Variants in GGA2 observed in about 807,000 individuals in gnomAD.
GGA2 encodes the protein ADP-ribosylation factor-binding protein GGA2.
Under a neutral mutation model 79.5 loss-of-function variants are expected in GGA2, and 48 were observed. The observed-to-expected ratio is 0.60, with a 90% CI of 0.48 to 0.77. GGA2 has a LOEUF of 0.77. Among genes scored for constraint, GGA2 ranks in the 30% least tolerant of loss-of-function variants. The pLI is 0.00. For missense variants in GGA2, 770 were observed against 774.0 expected, an observed-to-expected ratio of 0.99 and a Z score of 0.06; for synonymous variants, 317 against 302.0, an observed-to-expected ratio of 1.05 and a Z score of -0.51.
intron 7 of GGA2, 110 bp downstream of exon 7, chr16:23,486,600 T>G: frequency 1.3e-6 from 1 of 773,424 alleles, no homozygotes; most frequent in East Asian, 2.4e-5. Context: ...TAGGAGCCAC[T>G]CTTTCTCCCA....
rs547107680 is a variant in GGA2, at chr16:23,475,032, T to C, written c.1322A>G (p.Lys441Arg). 1.1e-5 allele frequency: 17 copies of C among 1,589,970 alleles called. No individual in the cohort carries two copies. The highest frequency in any genetic ancestry group is 1.7e-4 in the Middle Eastern group (1 of 5,950). Residue 441 changes from lysine (K) to arginine (R), a missense_variant, in exon 14 of 17, where the codon AAG (lysine) becomes AGG (arginine). Coordinates refer to ENST00000309859, the MANE Select transcript of GGA2 (RefSeq NM_015044.4). ...LNYVSQKSVP[K>R]EVPPGTKSSP... The stretch of plus-strand genomic sequence containing the variant: ...GGACTTAGTACCTGGTGGCACTTCC[T>C]TGGGGACACTTTTCTGCGAAACATA...
rs753464862 is a variant in GGA2 at position 23,494,396 on chromosome 16, G to A, written c.177-18C>T. 2 of 1,561,376 alleles carry A rather than the reference G, an allele frequency of 1.3e-6. No individual in the cohort carries two copies. Among genetic ancestry groups the A allele is most frequent in the South Asian group, 2.2e-5 (2 of 90,036 alleles). The stretch of plus-strand genomic sequence containing the variant: ...GTGTGGGGCTACAGGGAAACAAAAA[G>A]ACCTAGACTCTGGGCGGGCAAAAAG... On this transcript the variant is annotated intron_variant, in intron 2 of 16. Transcript: ENST00000309859.
At chr16:23,480,128 A>AT in intron 10 of GGA2, 1 of 491,744 alleles carries the variant, frequency 2.0e-6, no homozygotes, top group Non-Finnish European at 3.7e-6. Context: ...CAAAGATCCC[A>AT]TCACTCTGGA....
rs757790380 is a variant in GGA2, at chr16:23,482,142, T to C, written c.880+781A>G. 2.2e-4 allele frequency among the ~76,000 whole-genome samples: 33 copies of C among 152,282 alleles called. 1 individual carries two copies. The highest frequency in any genetic ancestry group is 2.2e-4 in the African/African-American group (9 of 41,552). On this transcript the variant is annotated intron_variant, in intron 9 of 16. Transcript: ENST00000309859. ...AGCCAGGCGTGATGGTGGGTGCCTA[T>C]AATCCCAGCTACTTGGGAGGCTGAG...
chr16:23,478,344 A>T, intron 13 of GGA2, 24 bp downstream of exon 13: 1 of 1,546,782 alleles, frequency 6.5e-7, no homozygotes, highest in Non-Finnish European at 8.7e-7. Context: ...ACACTCTCCC[A>T]CTCCCCTTGC....
chr16:23,465,566 T>A lies in GGA2; in HGVS notation c.*2024A>T, dbSNP rs1275563475. On this transcript the variant is annotated 3_prime_UTR_variant, in exon 17 of 17. Coordinates refer to ENST00000309859, the MANE Select transcript of GGA2 (RefSeq NM_015044.4). Reference sequence around the variant, plus strand: ...ATGTATAAGTCTCATTCACCCATTTTGACCAAAACCCTTCAGAGGGAGATG... The same window carrying A: ...ATGTATAAGTCTCATTCACCCATTTAGACCAAAACCCTTCAGAGGGAGATG... 9.7e-6 allele frequency: 6 copies of A among 617,694 alleles called. No homozygotes were observed. The Admixed American group carries it at 1.6e-4, about 17-fold the overall frequency. The allele number at this position is 617,694 out of a possible 1,614,324, so 38.3% of individuals were successfully genotyped here.
intron 8 of GGA2, among the ~76,000 whole-genome samples, chr16:23,484,487 G>C (rs1964688380): frequency 6.6e-6 from 1 of 152,144 alleles, no homozygotes; most frequent in Non-Finnish European, 1.5e-5. Context: ...CAGCCCAAAG[G>C]AAGGGAGAAA....
rs1358804873 is a variant in GGA2 at position 23,463,787 on chromosome 16, A to C, written c.*3803T>G. 2.0e-5 allele frequency: 3 copies of C among 152,210 alleles called. No homozygotes were observed. Among genetic ancestry groups the C allele is most frequent in the Admixed American group, 1.3e-4 (2 of 15,262 alleles). 9.4% of individuals were successfully genotyped at this position (152,210 alleles called of 1,614,324 possible). On this transcript the variant is annotated 3_prime_UTR_variant, in exon 17 of 17. Coordinates refer to ENST00000309859, the MANE Select transcript of GGA2 (RefSeq NM_015044.4). ...CCCAGGAGACCAGCCTGGGTAACAC[A>C]GAGATCCAGTCTTTACGAAAAACTG...
At chr16:23,484,762 G>T (rs565245922) in intron 8 of GGA2, among the ~76,000 whole-genome samples, 1 of 152,190 alleles carries the variant, frequency 6.6e-6, no homozygotes, top group Non-Finnish European at 1.5e-5. Context: ...CATTGCTGCT[G>T]GGAATGTAAA....
chr16:23,508,093 C>T (rs946320739), intron 1 of GGA2, among the ~76,000 whole-genome samples: 1 of 149,054 alleles, frequency 6.7e-6, no homozygotes, highest in Non-Finnish European at 1.5e-5. Flanking sequence ...GACAGAATCT[C>T]GCCTTGTCAC....
At chr16:23,489,580 G>A (rs555578959) in intron 5 of GGA2, among the ~76,000 whole-genome samples, 1 of 152,208 alleles carries the variant, frequency 6.6e-6, no homozygotes, top group South Asian at 2.1e-4. Flanking sequence ...AGATCACAGG[G>A]CAACAACCAA....
chr16:23,477,258 C>G (rs1365703214), intron 13 of GGA2, among the ~76,000 whole-genome samples: 1 of 152,142 alleles, frequency 6.6e-6, no homozygotes, highest in East Asian at 1.9e-4. Flanking sequence ...GTGTCCCCAC[C>G]CAAATCTCAT....
At chr16:23,478,239 A>AT in intron 13 of GGA2, 129 bp downstream of exon 13, 2 of 632,350 alleles carry the variant, frequency 3.2e-6, no homozygotes, top group Non-Finnish European at 5.0e-6. Flanking sequence ...AAAAAAAAAA[A>AT]GAAAGAAAGA....
upstream of GGA2, among the ~76,000 whole-genome samples, chr16:23,511,038 T>TGTGTGTGTGTGTGTGC (rs1289850381): frequency 7.3e-5 from 11 of 150,954 alleles, 1 homozygote; most frequent in African/African-American, 2.7e-4. Context: ...TGTGTGTGTG[T>TGTGTGTGTGTGTGTGC]GTGTGTGTGT....
chr16:23,483,008 A>C lies in GGA2; in HGVS notation c.799-4T>G. The C allele has an allele frequency of 6.2e-7, 1 of 1,604,860 alleles. No individual in the cohort carries two copies. The highest frequency in any genetic ancestry group is 1.1e-5 in the South Asian group (1 of 90,846). On this transcript the variant is annotated splice_polypyrimidine_tract_variant and splice_region_variant and intron_variant, in intron 8 of 16. Coordinates refer to ENST00000309859, the MANE Select transcript of GGA2 (RefSeq NM_015044.4). Reference sequence around the variant, plus strand: ...TTTCACACCTCTCATACACGACCTGAAAGAGCAGAGCTTGGTTCATGACAC... The same window carrying C: ...TTTCACACCTCTCATACACGACCTGCAAGAGCAGAGCTTGGTTCATGACAC...
chr16:23,503,994 T>C (rs1964947543), intron 1 of GGA2, among the ~76,000 whole-genome samples: 2 of 151,948 alleles, frequency 1.3e-5, no homozygotes, highest in Non-Finnish European at 1.5e-5. Context: ...AGCAGGAGAA[T>C]TGCTTGAACC....
At chr16:23,509,080 T>C (rs1393278806) in intron 1 of GGA2, among the ~76,000 whole-genome samples, 1 of 152,086 alleles carries the variant, frequency 6.6e-6, no homozygotes, top group African/African-American at 2.4e-5. Context: ...TCTCACCCTC[T>C]CCGCCCAATT....
chr16:23,473,236 T>C (rs1320198367), intron 14 of GGA2, among the ~76,000 whole-genome samples: 1 of 151,278 alleles, frequency 6.6e-6, no homozygotes, highest in East Asian at 1.9e-4. Flanking sequence ...TATGTACATA[T>C]ATATGTATAT....
chr16:23,521,976 T>A (rs376840127), exon 1 of GGA2: 1 of 365,444 alleles, frequency 2.7e-6, no homozygotes, highest in Admixed American at 3.6e-5. Context: ...AACCTCGGTT[T>A]CCATATCTGT....
Sources: gnomAD v4.1 joint callset for allele counts (sites outside exome capture counted in the v4.1 genomes callset) on GRCh38, gnomAD v4.1.1 for gene constraint, MANE v1.5 for transcripts, NCBI Gene and HGNC (gene_info 2026-07-23, HGNC 2026-07-21) for gene names.